DHX30: variants seen among roughly 807,000 people sequenced by gnomAD.
The protein encoded by DHX30 is ATP-dependent RNA helicase DHX30.
Under a neutral mutation model 116.9 loss-of-function variants are expected in DHX30, and 4 were observed. That is an observed-to-expected ratio of 0.03 (90% CI 0.02 to 0.08). The LOEUF (loss-of-function observed/expected upper bound fraction) is 0.08. Among genes scored for constraint, DHX30 ranks in the 10% least tolerant of loss-of-function variants. DHX30 has a pLI of 1.00. For missense variants in DHX30, 871 were observed against 1,595.1 expected, an observed-to-expected ratio of 0.55 and a Z score of 7.73; for synonymous variants, 697 against 651.7, an observed-to-expected ratio of 1.07 and a Z score of -1.06.
intron 4 of DHX30, chr3:47,825,103 G>C (rs1247594743): frequency 3.0e-6 from 2 of 672,598 alleles, no homozygotes; most frequent in Non-Finnish European, 5.4e-6. Context: ...GCAGCCGCTG[G>C]GTCCCCGCGC....
chr3:47,825,340 C>T, intron 4 of DHX30: 1 of 537,126 alleles, frequency 1.9e-6, no homozygotes, highest in Non-Finnish European at 3.3e-6. Flanking sequence ...GCCTGGCGGC[C>T]GGGGGTCCTC....
At chr3:47,845,315 G>C (rs188530301) in intron 9 of DHX30, among the ~76,000 whole-genome samples, 20 of 152,140 alleles carry the variant, frequency 1.3e-4, no homozygotes, top group Non-Finnish European at 2.4e-4. Flanking sequence ...AGCCTCCCTA[G>C]TAGCTGGGAC....
chr3:47,841,770 G>C (rs765394389), intron 8 of DHX30, 33 bp downstream of exon 8: 3 of 1,613,998 alleles, frequency 1.9e-6, no homozygotes, highest in Admixed American at 3.3e-5. Context: ...TTGTGTGGGG[G>C]CCGTTTACTT....
intron 4 of DHX30, chr3:47,826,214 T>C (rs1226834321): frequency 1.3e-5 from 2 of 152,222 alleles, no homozygotes; most frequent in Admixed American, 6.5e-5. Context: ...GAGAATGATA[T>C]GGCCCCCCAT....
intron 4 of DHX30, among the ~76,000 whole-genome samples, chr3:47,821,567 C>G (rs2036301816): frequency 6.8e-6 from 1 of 146,150 alleles, no homozygotes; most frequent in African/African-American, 2.6e-5. Flanking sequence ...CCGTGCCCAG[C>G]CCTTTTTTCT....
intron 10 of DHX30, 147 bp downstream of exon 10, chr3:47,845,999 G>A: frequency 1.4e-6 from 2 of 1,428,158 alleles, no homozygotes; most frequent in South Asian, 2.7e-5. Context: ...GGCCTGAACA[G>A]CCCAGTCTTG....
intron 3 of DHX30, chr3:47,816,946 T>G (rs756061428): frequency 1.4e-4 from 134 of 985,104 alleles, no homozygotes; most frequent in Admixed American, 4.9e-4. Context: ...AAGGGCTTTT[T>G]CTTTCCTGCT....
chr3:47,849,108 A>T (rs1222345657), intron 18 of DHX30, 29 bp downstream of exon 18: 1 of 1,610,806 alleles, frequency 6.2e-7, no homozygotes, highest in Non-Finnish European at 8.5e-7. Context: ...TGCTCTCCTG[A>T]GCCCCTCCCA....
At chr3:47,835,479 A>G (rs1390933546) in intron 6 of DHX30, among the ~76,000 whole-genome samples, 1 of 150,006 alleles carries the variant, frequency 6.7e-6, no homozygotes. Flanking sequence ...ATTTTTTTGT[A>G]CTTTTAGTAC....
rs1273328427 is a variant in DHX30 at position 47,847,256 on chromosome 3, C to G, written c.1930-17C>G. 1.9e-6 allele frequency: 3 copies of G among 1,614,106 alleles called. No homozygotes were observed. In the African/African-American group the frequency reaches 4.0e-5, roughly 22 times the overall value. On this transcript the variant is annotated splice_polypyrimidine_tract_variant and intron_variant, in intron 11 of 21. Coordinates refer to ENST00000445061, the MANE Select transcript of DHX30 (RefSeq NM_138615.3). This position sits in a 1 kb window ranked among gnomAD's most constrained non-coding sequence, Gnocchi z 5.5. Reference sequence around the variant, plus strand: ...TACCCCGGGGCTGTGACTGTGGCCTCTCTTCCCCCACCCCAGTCTGAGGAT... The same window carrying G: ...TACCCCGGGGCTGTGACTGTGGCCTGTCTTCCCCCACCCCAGTCTGAGGAT...
In DHX30 at chr3:47,827,473, A is replaced by G; in HGVS notation, c.251A>G (p.Lys84Arg). 1 of 1,610,596 alleles carries G rather than the reference A, an allele frequency of 6.2e-7. No homozygotes were observed. Among genetic ancestry groups the G allele is most frequent in the Non-Finnish European group, 8.5e-7 (1 of 1,178,872 alleles). The part of the protein sequence containing the change: ...LVYVHTNGPK[K>R]KKVTLHIKWP... ...TACGTGCACACAAATGGACCGAAGA[A>G]AAAGGTAACTCTGCTGGTGGCAAGG... Residue 84 changes from lysine (K) to arginine (R), a missense_variant, in exon 5 of 22, where the codon AAA becomes AGA. Lys to Arg is a conservative substitution (Grantham distance 26, BLOSUM62 2). Coordinates refer to ENST00000445061, the MANE Select transcript of DHX30 (RefSeq NM_138615.3).
chr3:47,841,638 A>G lies in DHX30; in HGVS notation c.690A>G (p.Thr230=). ...CCAGGGGGAGTTCCTTTGAGATGAC[A>G]GATGACGACAGTGCCATTAGGGCTC... ...RDSRGSSFEM[T]DDDSAIRALT... The change falls in exon 8 of 22, where the codon ACA becomes ACG. Residue 230 remains threonine, a synonymous_variant. Transcript: ENST00000445061. 1 of 1,614,240 alleles carries G rather than the reference A, an allele frequency of 6.2e-7. No individual in the cohort carries two copies. Among genetic ancestry groups the G allele is most frequent in the Non-Finnish European group, 8.5e-7 (1 of 1,180,040 alleles).
intron 9 of DHX30, among the ~76,000 whole-genome samples, chr3:47,845,084 T>TG (rs1450173245): frequency 6.6e-6 from 1 of 152,032 alleles, no homozygotes; most frequent in African/African-American, 2.4e-5. Flanking sequence ...ATTGTGGTGT[T>TG]GGGGGGGCTG....
rs2036144234 is a variant in DHX30 at position 47,818,201 on chromosome 3, G to A, written c.124+84G>A. ...TGGCAATGGGAGCCCTGGTGCCAGG[G>A]CCACAGCCCTCCAGAAAGTGAGTGA... On this transcript the variant is annotated intron_variant, in intron 4 of 21. Transcript: ENST00000445061. The A allele has an allele frequency of 8.4e-6, 6 of 718,180 alleles. No individual in the cohort carries two copies. In the South Asian group the frequency reaches 9.1e-5, roughly 11 times the overall value. 44.5% of individuals were successfully genotyped at this position (718,180 alleles called of 1,614,324 possible).
chr3:47,836,351 A>G (rs1306760057), intron 6 of DHX30, among the ~76,000 whole-genome samples: 3 of 151,612 alleles, frequency 2.0e-5, no homozygotes, highest in Non-Finnish European at 4.4e-5. Flanking sequence ...GCTGGTCTCA[A>G]AGTCTCCTGA....
At chr3:47,829,670 A>G (rs2036745584) in intron 6 of DHX30, among the ~76,000 whole-genome samples, 1 of 151,726 alleles carries the variant, frequency 6.6e-6, no homozygotes. Flanking sequence ...CGCCCAGCCT[A>G]TCTTCTGTGG....
chr3:47,841,793 T>C (rs913326330), intron 8 of DHX30, 56 bp downstream of exon 8: 1 of 1,613,422 alleles, frequency 6.2e-7, no homozygotes. Flanking sequence ...TCATGTCTGG[T>C]GTTCCCTAAA....
At chr3:47,840,734 G>C in intron 6 of DHX30, 143 bp from the exon 7 acceptor site, 2 of 963,140 alleles carry the variant, frequency 2.1e-6, no homozygotes, top group Non-Finnish European at 1.5e-6. Flanking sequence ...TCCATGCCCA[G>C]TTCTGGACTA....
intron 3 of DHX30, among the ~76,000 whole-genome samples, chr3:47,811,154 A>G (rs1437713913): frequency 6.6e-6 from 1 of 150,482 alleles, no homozygotes; most frequent in Non-Finnish European, 1.5e-5. Flanking sequence ...GGGTTTCACC[A>G]TGTTGGCCAG....
Sources: gnomAD v4.1 joint callset for allele counts (sites outside exome capture counted in the v4.1 genomes callset) on GRCh38, gnomAD v4.1.1 for gene constraint, Gnocchi (gnomAD v3.1) non-coding constraint, MANE v1.5 for transcripts, NCBI Gene and HGNC (gene_info 2026-07-23, HGNC 2026-07-21) for gene names.